The following NEGR1 variants were observed in gnomAD, a reference collection of about 807,000 sequenced individuals.
The protein encoded by NEGR1 is neuronal growth regulator 1.
NEGR1 carries 10 observed loss-of-function variants against 40.9 expected under a neutral mutation model. The ratio of observed to expected loss-of-function variants is 0.24; its 90% CI spans 0.15 to 0.42. The LOEUF (loss-of-function observed/expected upper bound fraction) is 0.42, where lower values mean the gene tolerates loss of function less well. NEGR1 is among the 10% of genes least tolerant of loss of function. The pLI, the probability that NEGR1 is intolerant of heterozygous loss-of-function variation, is 1.00. For synonymous variants in NEGR1, 185 were observed against 166.8 expected, an observed-to-expected ratio of 1.11 and a Z score of -0.84; for missense variants, 352 against 438.9, an observed-to-expected ratio of 0.80 and a Z score of 1.77.
chr1:71,477,874 C>A (rs1469462524), intron 6 of NEGR1, among the ~76,000 whole-genome samples: 1 of 149,514 alleles, frequency 6.7e-6, no homozygotes. Context: ...AGTCAGACAA[C>A]AATGCTTCAC....
intron 6 of NEGR1, among the ~76,000 whole-genome samples, chr1:71,411,248 G>A (rs532291941): frequency 1.3e-5 from 2 of 152,154 alleles, no homozygotes; most frequent in South Asian, 4.1e-4. Flanking sequence ...TCTCATTTTA[G>A]TATCAGGCTC....
intron 3 of NEGR1, among the ~76,000 whole-genome samples, chr1:71,768,425 G>A (rs1015328739): frequency 3.3e-5 from 5 of 151,956 alleles, no homozygotes; most frequent in Non-Finnish European, 7.4e-5. Flanking sequence ...AAATGCATAG[G>A]GCCTGTATCC....
chr1:71,694,850 G>A (rs568661009), intron 4 of NEGR1, among the ~76,000 whole-genome samples: 1 of 151,834 alleles, frequency 6.6e-6, no homozygotes, highest in Admixed American at 6.6e-5. Context: ...AACTCATGAA[G>A]CTACTGTAAT....
At chr1:71,915,835 C>T (rs1248345028) in intron 2 of NEGR1, among the ~76,000 whole-genome samples, 2 of 152,114 alleles carry the variant, frequency 1.3e-5, no homozygotes, top group Non-Finnish European at 2.9e-5. Context: ...TATAAATAAG[C>T]ATATTACTTG....
chr1:71,572,800 T>C (rs1648847818), intron 6 of NEGR1, among the ~76,000 whole-genome samples: 1 of 152,198 alleles, frequency 6.6e-6, no homozygotes, highest in Non-Finnish European at 1.5e-5. Flanking sequence ...AATAACTGAA[T>C]AAACATAGCA....
rs986957438 is a variant in NEGR1, at chr1:71,469,148, T to A, written c.941-61578A>T. Among the ~76,000 whole-genome samples, 4 of 152,200 alleles carry A rather than the reference T, an allele frequency of 2.6e-5. 1 individual carries two copies. The highest frequency in any genetic ancestry group is 4.1e-4 in the South Asian group (2 of 4,830). ...AACAGCCTCCATTTGGGTCAAACAG[T>A]ATTTAACCGCTTGTAAATTTTAATT... is the stretch of plus-strand genomic sequence containing the variant. On this transcript the variant is annotated intron_variant, in intron 6 of 6. Coordinates refer to ENST00000357731, the MANE Select transcript of NEGR1 (RefSeq NM_173808.3).
At chr1:72,276,836 A>C (rs1656066476) in intron 1 of NEGR1, among the ~76,000 whole-genome samples, 1 of 152,146 alleles carries the variant, frequency 6.6e-6, no homozygotes, top group African/African-American at 2.4e-5. Flanking sequence ...GGATATTTAA[A>C]ATGGGAGAAT....
At chr1:71,965,595 A>G (rs1226539779) in intron 1 of NEGR1, among the ~76,000 whole-genome samples, 1 of 152,184 alleles carries the variant, frequency 6.6e-6, no homozygotes, top group Non-Finnish European at 1.5e-5. Context: ...GAAATGGGCT[A>G]AAGAAAAACT....
chr1:72,146,339 C>T (rs946263733), intron 1 of NEGR1, among the ~76,000 whole-genome samples: 2 of 152,096 alleles, frequency 1.3e-5, no homozygotes, highest in African/African-American at 4.8e-5. Context: ...GCTCCATTAC[C>T]CTGAACACAT....
At chr1:72,046,433 T>C (rs1647002895) in intron 1 of NEGR1, among the ~76,000 whole-genome samples, 1 of 151,598 alleles carries the variant, frequency 6.6e-6, no homozygotes, top group Non-Finnish European at 1.5e-5. Context: ...GAGACCTCTA[T>C]TCAATTCAAA....
intron 2 of NEGR1, among the ~76,000 whole-genome samples, chr1:71,886,686 G>A (rs576957662): frequency 9.9e-5 from 15 of 152,138 alleles, no homozygotes; most frequent in African/African-American, 3.1e-4. Context: ...TGCCTTAAAC[G>A]GAGATATATA....
rs544688304 is a variant in NEGR1 at position 71,795,058 on chromosome 1, T to C, written c.410-18761A>G. 2.0e-5 allele frequency among the ~76,000 whole-genome samples: 3 copies of C among 152,178 alleles called. No individual in the cohort carries two copies. In the South Asian group the frequency reaches 6.2e-4, roughly 32 times the overall value. ...ATGTCACAACTTGAAATTCATAATA[T>C]TGGTGACACTTAAAAAATTAGGTAA... On this transcript the variant is annotated intron_variant, in intron 2 of 6. Coordinates refer to ENST00000357731, the MANE Select transcript of NEGR1 (RefSeq NM_173808.3).
intron 1 of NEGR1, among the ~76,000 whole-genome samples, chr1:72,139,488 A>T (rs1045999330): frequency 1.3e-5 from 2 of 152,080 alleles, no homozygotes; most frequent in African/African-American, 4.8e-5. Context: ...TAAATGTATA[A>T]CTAGGGAATA....
At position 72,148,519 on chromosome 1, in the gene NEGR1, C is replaced by CA. The variant is rs201880563; in HGVS notation, c.176+133799dup. On this transcript the variant is annotated intron_variant, in intron 1 of 6. Coordinates refer to ENST00000357731, the MANE Select transcript of NEGR1 (RefSeq NM_173808.3). ...TCTGCAGCTGGCTTGAATTTCCCCTCAAAAAAAAATGGGTTTTTCTTTTCT... is the reference window on the plus strand; with the variant it reads ...TCTGCAGCTGGCTTGAATTTCCCCTCAAAAAAAAAATGGGTTTTTCTTTTCT... Among the ~76,000 whole-genome samples, 439 of 150,258 alleles carry CA rather than the reference C, an allele frequency of 2.9e-3. 6 individuals carry two copies. The highest frequency in any genetic ancestry group is 9.6e-3 in the African/African-American group (396 of 41,076).
At chr1:71,962,529 C>T (rs6678717) in intron 1 of NEGR1, among the ~76,000 whole-genome samples, 19,712 of 151,804 alleles carry the variant, frequency 0.13, 1,671 homozygotes, top group East Asian at 0.43. Flanking sequence ...TGCAATCATT[C>T]GTATAATGAT....
rs1048975869 is a variant in NEGR1 at position 71,829,819 on chromosome 1, G to A, written c.410-53522C>T. ...AATGTGTAGTTCCATCCTAAATATTGCAGCACAATCCTTCTCAAGGTGGTT... is the reference window on the plus strand; with the variant it reads ...AATGTGTAGTTCCATCCTAAATATTACAGCACAATCCTTCTCAAGGTGGTT... On this transcript the variant is annotated intron_variant, in intron 2 of 6. Coordinates refer to ENST00000357731, the MANE Select transcript of NEGR1 (RefSeq NM_173808.3). Among the ~76,000 whole-genome samples, 8 of 151,890 alleles carry A rather than the reference G, an allele frequency of 5.3e-5. No individual in the cohort carries two copies. The South Asian group carries it at 1.7e-3, about 31-fold the overall frequency.
chr1:71,671,893 CTTT>C (rs10708807), intron 4 of NEGR1, among the ~76,000 whole-genome samples: 147 of 121,546 alleles, frequency 1.2e-3, no homozygotes, highest in African/African-American at 2.7e-3. Context: ...CTCTCTCTCT[CTTT>C]TTTTTTTTTT....
intron 2 of NEGR1, among the ~76,000 whole-genome samples, chr1:71,858,468 G>A (rs979191065): frequency 2.4e-4 from 36 of 152,006 alleles, no homozygotes; most frequent in Non-Finnish European, 4.7e-4. Flanking sequence ...AATTATTACA[G>A]TGGAACCTTG....
chr1:72,072,416 T>G (rs1647506425), intron 1 of NEGR1, among the ~76,000 whole-genome samples: 1 of 152,132 alleles, frequency 6.6e-6, no homozygotes, highest in Admixed American at 6.6e-5. Context: ...CTTAAAATAC[T>G]TATGCTAATA....
Sources: gnomAD v4.1 joint callset for allele counts (sites outside exome capture counted in the v4.1 genomes callset) on GRCh38, gnomAD v4.1.1 for gene constraint, MANE v1.5 for transcripts, NCBI Gene and HGNC (gene_info 2026-07-23, HGNC 2026-07-21) for gene names.